COPA: variants seen among roughly 807,000 people sequenced by gnomAD.
COPA encodes the protein coatomer subunit alpha.
Under a neutral mutation model 158.7 loss-of-function variants are expected in COPA, and 10 were observed. The ratio of observed to expected loss-of-function variants is 0.06; its 90% CI spans 0.04 to 0.11. The LOEUF (loss-of-function observed/expected upper bound fraction) is 0.11. Among genes scored for constraint, COPA ranks in the 10% least tolerant of loss-of-function variants. The pLI, the probability that COPA is intolerant of heterozygous loss-of-function variation, is 1.00. For missense variants in COPA, 1,065 were observed against 1,536.7 expected (o/e 0.69, Z 5.13); for synonymous variants, 462 against 542.8 (o/e 0.85, Z 2.07).
rs369269161 is a variant in COPA at position 160,297,536 on chromosome 1, C to G, written c.2167+20G>C. On this transcript the variant is annotated intron_variant, in intron 20 of 32. Coordinates refer to ENST00000241704, the MANE Select transcript of COPA (RefSeq NM_004371.4). ...TTCCCCCAAGAACCCCTCTTCCCAT[C>G]CTTAGTTTGAGGGCCTCACCAATCT... is the stretch of plus-strand genomic sequence containing the variant. 2 of 1,612,960 alleles carry G rather than the reference C, an allele frequency of 1.2e-6. No homozygotes were observed. Among genetic ancestry groups the G allele is most frequent in the Non-Finnish European group, 1.7e-6 (2 of 1,179,286 alleles).
In COPA at chr1:160,307,146, T is replaced by C. The variant is rs1433746913; in HGVS notation, c.1302+17A>G. 5.6e-6 allele frequency: 9 copies of C among 1,613,356 alleles called. No homozygotes were observed. The East Asian group carries it at 1.8e-4, about 32-fold the overall frequency. On this transcript the variant is annotated intron_variant, in intron 14 of 32. Coordinates refer to ENST00000241704, the MANE Select transcript of COPA (RefSeq NM_004371.4). ...CCACACTCCCCAAATTAGTTTCTGC[T>C]TTTAGTCTTAACTCACCGAATGCAT...
rs192179731 is a variant in COPA at position 160,290,114 on chromosome 1, G to C, written c.*43C>G. On this transcript the variant is annotated 3_prime_UTR_variant, in exon 33 of 33. Transcript: ENST00000241704. ...GAAGGAGGATATAGACACATTCTCT[G>C]GGGGGAACATATGGTGACTGACCCA... 1 of 1,586,218 alleles carries C rather than the reference G, an allele frequency of 6.3e-7. No individual in the cohort carries two copies. The highest frequency in any genetic ancestry group is 1.1e-5 in the South Asian group (1 of 90,286).
Position 160,321,995 on chromosome 1 carries a change from G to T in COPA, c.706+1436C>A, listed in dbSNP as rs1659343321. On this transcript the variant is annotated intron_variant, in intron 8 of 32. Transcript: ENST00000241704. ...AATGGAAAGATAGTCCATGCTTGTG[G>T]GTTGAAAGAATATTGTAAAAATGAT... 3.3e-5 allele frequency among the ~76,000 whole-genome samples: 5 copies of T among 152,066 alleles called. No individual in the cohort carries two copies. The South Asian group carries it at 1.0e-3, about 32-fold the overall frequency.
chr1:160,323,917 A>G (rs527423888), intron 7 of COPA, among the ~76,000 whole-genome samples: 3 of 152,192 alleles, frequency 2.0e-5, no homozygotes, highest in Non-Finnish European at 4.4e-5. Flanking sequence ...GCTGGAGTGC[A>G]GTGGCACGAT....
intron 8 of COPA, 126 bp from the exon 9 acceptor site, chr1:160,314,251 C>T: frequency 1.1e-6 from 1 of 911,990 alleles, no homozygotes; most frequent in Non-Finnish European, 1.6e-6. Flanking sequence ...CAACTTCTTT[C>T]TAATATGGCA....
At chr1:160,335,191 C>T (rs747851921) in intron 4 of COPA, 51 bp downstream of exon 4, 1 of 1,498,774 alleles carries the variant, frequency 6.7e-7, no homozygotes, top group Non-Finnish European at 9.1e-7. Flanking sequence ...ATAAAGATTA[C>T]TATGGGGAAA....
chr1:160,292,844 T>C (rs538563096), intron 27 of COPA, among the ~76,000 whole-genome samples: 49 of 152,234 alleles, frequency 3.2e-4, no homozygotes, highest in African/African-American at 8.7e-4. Flanking sequence ...GTTATCATTA[T>C]TGTTGTTATT....
Position 160,303,929 on chromosome 1 carries a change from A to C in COPA, c.1667+1504T>G, listed in dbSNP as rs12093649. Among the ~76,000 whole-genome samples the C allele has an allele frequency of 1.9e-3, 293 of 152,350 alleles. 3 individuals carry two copies. Among genetic ancestry groups the C allele is most frequent in the African/African-American group, 5.9e-3 (246 of 41,572 alleles). ...ATTAGGAAACAGAGAACAGCAAAAC[A>C]AAATTACAAGGAGATACCATTACGC... On this transcript the variant is annotated intron_variant, in intron 17 of 32. Coordinates refer to ENST00000241704, the MANE Select transcript of COPA (RefSeq NM_004371.4).
At chr1:160,300,432 T>C (rs1423042990) in intron 17 of COPA, among the ~76,000 whole-genome samples, 1 of 151,626 alleles carries the variant, frequency 6.6e-6, no homozygotes, top group Non-Finnish European at 1.5e-5. Context: ...TTGCCAAAGT[T>C]GAATCAAAAA....
chr1:160,332,117 G>C (rs1004744685), intron 6 of COPA, among the ~76,000 whole-genome samples: 39 of 152,196 alleles, frequency 2.6e-4, no homozygotes, highest in African/African-American at 8.2e-4. Flanking sequence ...ATTTCTTTTT[G>C]TCATAGATGT....
chr1:160,299,283 G>A lies in COPA; in HGVS notation c.1668-19C>T, dbSNP rs529400709. 6.3e-5 allele frequency: 101 copies of A among 1,592,400 alleles called. No individual in the cohort carries two copies. Among genetic ancestry groups the A allele is most frequent in the Non-Finnish European group, 7.7e-5 (90 of 1,164,438 alleles). Reference sequence around the variant, plus strand: ...GTGGTCCCTAAGAACAGAGGGCACAGCTTTCAGTAAGTGAGAGGGAAAATC... The same window carrying A: ...GTGGTCCCTAAGAACAGAGGGCACAACTTTCAGTAAGTGAGAGGGAAAATC... On this transcript the variant is annotated intron_variant, in intron 17 of 32. Coordinates refer to ENST00000241704, the MANE Select transcript of COPA (RefSeq NM_004371.4).
In COPA at chr1:160,295,781, A is replaced by G; in HGVS notation, c.2431T>C (p.Leu811=). Residue 811 remains leucine, a synonymous_variant, in exon 23 of 33, where the codon TTG becomes CTG. Transcript: ENST00000241704. ...IMPLDTNWPL[L]TVSKGFFEGT... ...TCAAAAAATCCTTTGGATACAGTCA[A>G]TAAAGGCCAATTGGTATCCAATGGC... 2.5e-6 allele frequency: 4 copies of G among 1,612,972 alleles called. No individual in the cohort carries two copies. The highest frequency in any genetic ancestry group is 2.7e-5 in the African/African-American group (2 of 74,990).
At chr1:160,310,337 T>G (rs1658923376) in intron 11 of COPA, 79 bp from the exon 12 acceptor site, 1 of 741,854 alleles carries the variant, frequency 1.3e-6, no homozygotes, top group Non-Finnish European at 2.2e-6. Context: ...CCCCCACACC[T>G]CCTACTTATC....
At chr1:160,320,157 A>C (rs541372353) in intron 8 of COPA, among the ~76,000 whole-genome samples, 1 of 152,308 alleles carries the variant, frequency 6.6e-6, no homozygotes, top group African/African-American at 2.4e-5. Flanking sequence ...AAAGGAGAGA[A>C]GATCCAAATA....
Position 160,313,280 on chromosome 1 carries a change from G to A in COPA, c.843-113C>T, listed in dbSNP as rs1659027898. ...AGCTGATTAAAATGTAAATCAGGGA[G>A]AGTAAACTGCATATCCTAAGTAACA... On this transcript the variant is annotated intron_variant, in intron 9 of 32. Coordinates refer to ENST00000241704, the MANE Select transcript of COPA (RefSeq NM_004371.4). 6 of 884,952 alleles carry A rather than the reference G, an allele frequency of 6.8e-6. No individual in the cohort carries two copies. In the South Asian group the frequency reaches 9.0e-5, roughly 13 times the overall value. The allele number at this position is 884,952 out of a possible 1,614,324, so 54.8% of individuals were successfully genotyped here. A position where few individuals can be genotyped will look rare whatever the true frequency, so the allele number is the denominator to read the frequency against.
chr1:160,337,872 T>C (rs6700892), intron 3 of COPA, among the ~76,000 whole-genome samples: 64,931 of 151,790 alleles, frequency 0.43, 14,792 homozygotes, highest in South Asian at 0.61. Context: ...AATTTATTCA[T>C]ATAAAGTATA....
At chr1:160,336,391 T>C (rs1471909562) in intron 3 of COPA, among the ~76,000 whole-genome samples, 1 of 150,860 alleles carries the variant, frequency 6.6e-6, no homozygotes, top group East Asian at 1.9e-4. Flanking sequence ...AACAATAATA[T>C]AGGGCATCAG....
chr1:160,310,273 A>ATG lies in COPA; in HGVS notation c.1077-16_1077-15insCA. The stretch of plus-strand genomic sequence containing the variant: ...ACTTGGAACCACTAGAGATATATAT[A>ATG]GAAAAAGGAGAAAACAGGGAAGAGG... On this transcript the variant is annotated splice_polypyrimidine_tract_variant and intron_variant, in intron 11 of 32. Coordinates refer to ENST00000241704, the MANE Select transcript of COPA (RefSeq NM_004371.4). The ATG allele has an allele frequency of 6.6e-7, 1 of 1,522,138 alleles. No homozygotes were observed. Among genetic ancestry groups the ATG allele is most frequent in the Non-Finnish European group, 9.0e-7 (1 of 1,113,096 alleles). The allele number at this position is 1,522,138 out of a possible 1,614,324, so 94.3% of individuals were successfully genotyped here.
chr1:160,319,921 A>G (rs1291030398), intron 8 of COPA, among the ~76,000 whole-genome samples: 4 of 149,674 alleles, frequency 2.7e-5, no homozygotes, highest in African/African-American at 9.7e-5. Flanking sequence ...TGTCAAAAAA[A>G]AAAAAAAAAA....
Sources: allele counts gnomAD v4.1 joint callset (sites outside exome capture counted in the v4.1 genomes callset), GRCh38; gene constraint gnomAD v4.1.1; transcripts MANE v1.5; gene names NCBI Gene and HGNC (gene_info 2026-07-23, HGNC 2026-07-21).